The following GPATCH2 variants were observed in gnomAD, a reference collection of about 807,000 sequenced individuals.
GPATCH2 encodes G patch domain-containing protein 2.
GPATCH2 carries 51 observed loss-of-function variants against 58.0 expected under a neutral mutation model. The observed-to-expected ratio is 0.88, with a 90% CI of 0.70 to 1.11. The LOEUF is 1.11. Among genes scored for constraint, GPATCH2 ranks in the 50% most tolerant of loss-of-function variants. GPATCH2 has a pLI of 0.00. For missense variants in GPATCH2, 625 were observed against 652.2 expected (o/e 0.96, Z 0.45); for synonymous variants, 222 against 218.5 (o/e 1.02, Z -0.14).
In GPATCH2 at chr1:217,431,213, C is replaced by T. The variant is rs566217723; in HGVS notation, c.1519G>A (p.Gly507Arg). ...IQAMQRPKGL[G>R]LGFPLPKSTS... ...CTTTTTGGTAGAGGAAATCCAAGTCCTAATCCCTTTGGCCTCTGCATGGCT... is the reference window on the plus strand; with the variant it reads ...CTTTTTGGTAGAGGAAATCCAAGTCTTAATCCCTTTGGCCTCTGCATGGCT... The change falls in exon 10 of 10, where the codon GGA (glycine) becomes AGA (arginine). Residue 507 changes from glycine to arginine, a missense_variant. Transcript: ENST00000366935. 1 of 1,611,706 alleles carries T rather than the reference C, an allele frequency of 6.2e-7. No individual in the cohort carries two copies. The highest frequency in any genetic ancestry group is 8.5e-7 in the Non-Finnish European group (1 of 1,177,764).
Position 217,460,985 on chromosome 1 carries a change from G to T in GPATCH2, c.1278-11648C>A, listed in dbSNP as rs577698020. Among the ~76,000 whole-genome samples the T allele has an allele frequency of 2.0e-5, 3 of 152,264 alleles. No homozygotes were observed. In the South Asian group the frequency reaches 6.2e-4, roughly 32 times the overall value. ...GAATTCAGCTTTGATTTTCTGCAAC[G>T]TGTCCCATGACTTTGCTTGTCGTGC... On this transcript the variant is annotated intron_variant, in intron 8 of 9. Coordinates refer to ENST00000366935, the MANE Select transcript of GPATCH2 (RefSeq NM_018040.5).
intron 5 of GPATCH2, among the ~76,000 whole-genome samples, chr1:217,595,671 T>C (rs1275096213): frequency 3.3e-5 from 5 of 152,066 alleles, no homozygotes; most frequent in Non-Finnish European, 4.4e-5. Context: ...GGCTAATTTT[T>C]GTATTTTTAG....
chr1:217,555,692 A>T lies in GPATCH2; in HGVS notation c.1099-40803T>A, dbSNP rs1397153355. Among the ~76,000 whole-genome samples the T allele has an allele frequency of 5.3e-5, 8 of 152,292 alleles. No homozygotes were observed. In the East Asian group the frequency reaches 1.5e-3, roughly 29 times the overall value. On this transcript the variant is annotated intron_variant, in intron 5 of 9. Coordinates refer to ENST00000366935, the MANE Select transcript of GPATCH2 (RefSeq NM_018040.5). ...TATCACTTGGTGGAAAGCTGCAGAG[A>T]ATTAGACACTGGAAGCCTTTCCAAC...
intron 8 of GPATCH2, among the ~76,000 whole-genome samples, chr1:217,478,783 C>G (rs1413661252): frequency 6.6e-6 from 1 of 152,042 alleles, no homozygotes; most frequent in Non-Finnish European, 1.5e-5. Flanking sequence ...GGTTATAGAA[C>G]ACTAAACAGA....
At position 217,454,599 on chromosome 1, in the gene GPATCH2, A is replaced by AC. The variant is rs1553322654; in HGVS notation, c.1278-5263_1278-5262insG. ...GCGAGACTCTGTCTCAAAAAAAAAA[A>AC]AAAAAAAAAAACCTTTCCTTTTTTT... On this transcript the variant is annotated intron_variant, in intron 8 of 9. Coordinates refer to ENST00000366935, the MANE Select transcript of GPATCH2 (RefSeq NM_018040.5). Among the ~76,000 whole-genome samples the AC allele has an allele frequency of 2.0e-5, 3 of 150,250 alleles. 1 individual carries two copies. The highest frequency in any genetic ancestry group is 2.1e-4 in the East Asian group (1 of 4,796).
At chr1:217,529,045 G>A (rs1367489037) in intron 5 of GPATCH2, among the ~76,000 whole-genome samples, 1 of 152,176 alleles carries the variant, frequency 6.6e-6, no homozygotes, top group Non-Finnish European at 1.5e-5. Flanking sequence ...TGGACAGACA[G>A]ATGATGCATG....
At chr1:217,558,404 A>C (rs1429478310) in intron 5 of GPATCH2, among the ~76,000 whole-genome samples, 1 of 152,224 alleles carries the variant, frequency 6.6e-6, no homozygotes, top group East Asian at 1.9e-4. Flanking sequence ...CAACAATGGA[A>C]TCAAACACGG....
intron 8 of GPATCH2, among the ~76,000 whole-genome samples, chr1:217,482,151 G>A (rs182851585): frequency 2.4e-4 from 36 of 152,228 alleles, no homozygotes; most frequent in South Asian, 4.1e-4. Context: ...CAGGGCCTAC[G>A]CACTTAATCA....
At chr1:217,618,999 A>T (rs1669045388) in intron 2 of GPATCH2, among the ~76,000 whole-genome samples, 1 of 152,014 alleles carries the variant, frequency 6.6e-6, no homozygotes, top group South Asian at 2.1e-4. Flanking sequence ...ATAAATTAAA[A>T]ATCAATTACT....
In GPATCH2 at chr1:217,504,525, G is replaced by A. The variant is rs182224196; in HGVS notation, c.1167-6130C>T. ...TGTGGTAGAAGTAGTAATCAAAGTT[G>A]CAGTAAAAGCACTATCACCACTCTA... On this transcript the variant is annotated intron_variant, in intron 6 of 9. Transcript: ENST00000366935. Among the ~76,000 whole-genome samples the A allele has an allele frequency of 1.2e-3, 179 of 152,306 alleles. 5 individuals are homozygous for A. The highest frequency in any genetic ancestry group is 0.011 in the Admixed American group (174 of 15,290).
At chr1:217,446,010 A>G (rs1461878359) in intron 9 of GPATCH2, among the ~76,000 whole-genome samples, 1 of 151,948 alleles carries the variant, frequency 6.6e-6, no homozygotes, top group African/African-American at 2.4e-5. Flanking sequence ...TTTTGGATTT[A>G]AAGTGCCTAA....
intron 5 of GPATCH2, among the ~76,000 whole-genome samples, chr1:217,528,203 C>T (rs1021332235): frequency 2.0e-5 from 3 of 152,096 alleles, no homozygotes; most frequent in Non-Finnish European, 4.4e-5. Flanking sequence ...TATTGTTCAT[C>T]CTGTAAAATA....
chr1:217,469,831 T>C lies in GPATCH2; in HGVS notation c.1278-20494A>G, dbSNP rs1002578190. Among the ~76,000 whole-genome samples, 11 of 152,124 alleles carry C rather than the reference T, an allele frequency of 7.2e-5. No homozygotes were observed. In the South Asian group the frequency reaches 2.3e-3, roughly 32 times the overall value. ...CAGTGTGGCAGATGAATTTAATAGG[T>C]TTTTTCCTGAGGACGGTAAGGTACA... On this transcript the variant is annotated intron_variant, in intron 8 of 9. Coordinates refer to ENST00000366935, the MANE Select transcript of GPATCH2 (RefSeq NM_018040.5).
intron 5 of GPATCH2, among the ~76,000 whole-genome samples, chr1:217,535,507 G>T (rs1415209723): frequency 6.6e-6 from 1 of 152,088 alleles, no homozygotes; most frequent in Non-Finnish European, 1.5e-5. Flanking sequence ...CCGCCACCAC[G>T]CCTGGCTAAT....
At chr1:217,624,715 C>G (rs1023653262) in intron 1 of GPATCH2, among the ~76,000 whole-genome samples, 2 of 152,226 alleles carry the variant, frequency 1.3e-5, no homozygotes, top group African/African-American at 4.8e-5. Context: ...CTATACAAAT[C>G]TGTACTTACT....
At chr1:217,552,304 C>T (rs1020521724) in intron 5 of GPATCH2, among the ~76,000 whole-genome samples, 2 of 152,094 alleles carry the variant, frequency 1.3e-5, no homozygotes, top group Non-Finnish European at 2.9e-5. Context: ...TCATATTCAT[C>T]AGAACTTAAA....
intron 1 of GPATCH2, among the ~76,000 whole-genome samples, chr1:217,626,125 G>C (rs1266178244): frequency 6.6e-6 from 1 of 152,182 alleles, no homozygotes; most frequent in Admixed American, 6.5e-5. Flanking sequence ...TGGATTATCA[G>C]TTCTTCAAAG....
At chr1:217,502,783 T>C (rs1662368253) in intron 6 of GPATCH2, among the ~76,000 whole-genome samples, 1 of 152,124 alleles carries the variant, frequency 6.6e-6, no homozygotes, top group African/African-American at 2.4e-5. Flanking sequence ...GTTTACTATC[T>C]TGTCTATTTT....
intron 7 of GPATCH2, 193 bp downstream of exon 7, chr1:217,498,163 G>A: frequency 1.5e-6 from 1 of 676,996 alleles, no homozygotes; most frequent in Non-Finnish European, 2.7e-6. Flanking sequence ...GTAAAGGAAA[G>A]AAAACTCTCA....
Sources: gnomAD v4.1 joint callset for allele counts (sites outside exome capture counted in the v4.1 genomes callset) on GRCh38, gnomAD v4.1.1 for gene constraint, MANE v1.5 for transcripts, NCBI Gene and HGNC (gene_info 2026-07-23, HGNC 2026-07-21) for gene names.